KIF13A: variants seen among roughly 807,000 people sequenced by gnomAD.
The protein encoded by KIF13A is kinesin family member 13A.
Under a neutral mutation model 212.2 loss-of-function variants are expected in KIF13A, and 79 were observed. The observed-to-expected ratio is 0.37, with a 90% CI of 0.31 to 0.45. KIF13A has a LOEUF of 0.45. Among genes scored for constraint, KIF13A ranks in the 20% least tolerant of loss-of-function variants. The probability of loss-of-function intolerance (pLI) is 1.00; values close to 1 mark genes in which losing one functional copy is unlikely to be tolerated. For synonymous variants in KIF13A, 789 were observed against 808.6 expected (o/e 0.98, Z 0.41); for missense variants, 1,901 against 2,209.0 (o/e 0.86, Z 2.79).
intron 2 of KIF13A, among the ~76,000 whole-genome samples, chr6:17,969,125 G>A (rs1004665056): frequency 2.2e-4 from 34 of 152,282 alleles, no homozygotes; most frequent in Middle Eastern, 6.8e-3. Flanking sequence ...CAGCTGCTTC[G>A]AGAAAGGAAG....
intron 2 of KIF13A, among the ~76,000 whole-genome samples, chr6:17,976,057 T>C (rs1014270230): frequency 6.6e-6 from 1 of 152,182 alleles, no homozygotes; most frequent in Non-Finnish European, 1.5e-5. Flanking sequence ...TGCCGATTGG[T>C]GTATTTACAG....
At position 17,816,900 on chromosome 6, in the gene KIF13A, G is replaced by A. The variant is rs3734236; in HGVS notation, c.2000+120C>T. 0.23 allele frequency: 163,349 copies of A among 697,252 alleles called. 20,119 individuals are homozygous for A. Among genetic ancestry groups the A allele is most frequent in the Admixed American group, 0.32 (10,890 of 34,392 alleles). The allele number at this position is 697,252 out of a possible 1,614,324, so 43.2% of individuals were successfully genotyped here. A position where few individuals can be genotyped will look rare whatever the true frequency, so the allele number is the denominator to read the frequency against. ...AGGAAAAGCTAATTGGCAATATCACGTATGGGATTAAGAGTTCTCTTGTTG... is the reference window on the plus strand; with the variant it reads ...AGGAAAAGCTAATTGGCAATATCACATATGGGATTAAGAGTTCTCTTGTTG... On this transcript the variant is annotated intron_variant, in intron 17 of 38. Coordinates refer to ENST00000259711, the MANE Select transcript of KIF13A (RefSeq NM_022113.6). The surrounding 1 kb of genome is among the most constrained non-coding windows in gnomAD (Gnocchi z 4.3).
intron 38 of KIF13A, among the ~76,000 whole-genome samples, chr6:17,766,985 T>A (rs1759050815): frequency 6.6e-6 from 1 of 152,230 alleles, no homozygotes; most frequent in Non-Finnish European, 1.5e-5. Context: ...TGATCCTAAT[T>A]CTTTAGCTGT....
In KIF13A at chr6:17,899,555, G is replaced by A. The variant is rs886837247; in HGVS notation, c.147-1375C>T. ...TGTCCAATCACATGCATAATTCTACGCTTTCGAGTGCAGGGAAGAAAAATC... is the reference window on the plus strand; with the variant it reads ...TGTCCAATCACATGCATAATTCTACACTTTCGAGTGCAGGGAAGAAAAATC... On this transcript the variant is annotated intron_variant, in intron 2 of 38. Coordinates refer to ENST00000259711, the MANE Select transcript of KIF13A (RefSeq NM_022113.6). The surrounding 1 kb of genome is among the most constrained non-coding windows in gnomAD (Gnocchi z 5.2). Among the ~76,000 whole-genome samples the A allele has an allele frequency of 2.6e-5, 4 of 152,142 alleles. No homozygotes were observed. Among genetic ancestry groups the A allele is most frequent in the East Asian group, 1.9e-4 (1 of 5,190 alleles).
At position 17,932,882 on chromosome 6, in the gene KIF13A, T is replaced by G. The variant is rs374687488; in HGVS notation, c.147-34702A>C. On this transcript the variant is annotated intron_variant, in intron 2 of 38. Transcript: ENST00000259711. Reference sequence around the variant, plus strand: ...TAATTTGGCCAAATTATTTTTCCAGTTCTGGAATACATCCCTTTCCAAATC... The same window carrying G: ...TAATTTGGCCAAATTATTTTTCCAGGTCTGGAATACATCCCTTTCCAAATC... Among the ~76,000 whole-genome samples, 11 of 152,020 alleles carry G rather than the reference T, an allele frequency of 7.2e-5. No individual in the cohort carries two copies. The East Asian group carries it at 1.2e-3, about 16-fold the overall frequency.
At chr6:17,844,026 C>CA (rs779671692) in intron 9 of KIF13A, among the ~76,000 whole-genome samples, 6 of 141,204 alleles carry the variant, frequency 4.2e-5, no homozygotes, top group African/African-American at 1.6e-4. Flanking sequence ...GCCTGGGTGA[C>CA]AGAGTGAGAC....
In KIF13A at chr6:17,829,841, C is replaced by A. The variant is rs549293079; in HGVS notation, c.1401+1260G>T. On this transcript the variant is annotated intron_variant, in intron 13 of 38. Coordinates refer to ENST00000259711, the MANE Select transcript of KIF13A (RefSeq NM_022113.6). This position sits in a 1 kb window ranked among gnomAD's most constrained non-coding sequence, Gnocchi z 5.4. ...GAAAAGTAGAAGGTGAGGCTCCTTG[C>A]TTCAATTTTGGCTTATTCTCCATTG... Among the ~76,000 whole-genome samples, 5 of 152,206 alleles carry A rather than the reference C, an allele frequency of 3.3e-5. No homozygotes were observed. The South Asian group carries it at 1.0e-3, about 32-fold the overall frequency.
At chr6:17,885,102 T>C (rs1052155125) in intron 3 of KIF13A, among the ~76,000 whole-genome samples, 1 of 151,746 alleles carries the variant, frequency 6.6e-6, no homozygotes, top group African/African-American at 2.4e-5. Context: ...GATATCAAAG[T>C]TGTGAAGATT....
At chr6:17,760,706 G>A (rs1758544519), downstream of KIF13A, 3 of 689,984 alleles carry the variant, frequency 4.3e-6, no homozygotes, top group East Asian at 5.6e-5. Flanking sequence ...AAAGGAGGTG[G>A]CCCAGGAAGT....
chr6:17,774,344 T>A (rs1048271954), intron 35 of KIF13A, among the ~76,000 whole-genome samples: 1 of 152,192 alleles, frequency 6.6e-6, no homozygotes, highest in Admixed American at 6.5e-5. Flanking sequence ...ATAATTTTGA[T>A]TATGCTATGG....
At chr6:17,921,121 T>C (rs998053763) in intron 2 of KIF13A, among the ~76,000 whole-genome samples, 2 of 152,136 alleles carry the variant, frequency 1.3e-5, no homozygotes, top group Non-Finnish European at 2.9e-5. Context: ...CAAGACACAC[T>C]AATGTTAGTG....
rs746812079 is a variant in KIF13A at position 17,967,686 on chromosome 6, C to G, written c.146+19368G>C. On this transcript the variant is annotated intron_variant, in intron 2 of 38. Coordinates refer to ENST00000259711, the MANE Select transcript of KIF13A (RefSeq NM_022113.6). This position sits in a 1 kb window ranked among gnomAD's most constrained non-coding sequence, Gnocchi z 4.1. Reference sequence around the variant, plus strand: ...ATCTTTTACTCTCCAAAGGAAAGACCTGCAGTGTTAGGTTTCCTCCTGCTC... The same window carrying G: ...ATCTTTTACTCTCCAAAGGAAAGACGTGCAGTGTTAGGTTTCCTCCTGCTC... Among the ~76,000 whole-genome samples the G allele has an allele frequency of 1.4e-4, 21 of 152,282 alleles. No homozygotes were observed. The highest frequency in any genetic ancestry group is 3.9e-4 in the Admixed American group (6 of 15,296).
chr6:17,835,342 A>C (rs1412858603), intron 11 of KIF13A, among the ~76,000 whole-genome samples: 1 of 151,926 alleles, frequency 6.6e-6, no homozygotes, highest in Non-Finnish European at 1.5e-5. Flanking sequence ...TTATGTGGTC[A>C]CAGTAAAAAT....
At chr6:17,822,040 C>CTT in intron 16 of KIF13A, 3 of 615,948 alleles carry the variant, frequency 4.9e-6, no homozygotes, top group East Asian at 3.6e-5. Flanking sequence ...GGAAACATAA[C>CTT]TTCTTTTTTT....
chr6:17,954,862 A>G (rs144620107), intron 2 of KIF13A, among the ~76,000 whole-genome samples: 1 of 152,264 alleles, frequency 6.6e-6, no homozygotes, highest in East Asian at 1.9e-4. Flanking sequence ...AATTTTTTTA[A>G]GAGACGGGGT....
At chr6:17,766,596 T>G (rs1189707606) in intron 38 of KIF13A, among the ~76,000 whole-genome samples, 1 of 152,080 alleles carries the variant, frequency 6.6e-6, no homozygotes, top group African/African-American at 2.4e-5. Context: ...GCTCTGTCAC[T>G]CAGGTTGGTG....
At chr6:17,840,404 C>T (rs1766395577) in intron 9 of KIF13A, among the ~76,000 whole-genome samples, 1 of 151,874 alleles carries the variant, frequency 6.6e-6, no homozygotes, top group Non-Finnish European at 1.5e-5. Context: ...TCACATTTTG[C>T]AACTATTGAT....
Position 17,866,828 on chromosome 6 carries a change from C to CATATATAT in KIF13A, c.220+6541_220+6548dup, listed in dbSNP as rs60217235. The stretch of plus-strand genomic sequence containing the variant: ...TAAAGGGGAGAACAAAAAAGCAGCG[C>CATATATAT]ATATATATATATATATATATATATA... On this transcript the variant is annotated intron_variant, in intron 4 of 38. Transcript: ENST00000259711. 3.1e-3 allele frequency among the ~76,000 whole-genome samples: 72 copies of CATATATAT among 22,890 alleles called. 9 individuals carry two copies. The highest frequency in any genetic ancestry group is 6.6e-3 in the African/African-American group (38 of 5,760). The allele number at this position is 22,890 out of a possible 152,430, so 15.0% of individuals were successfully genotyped here. A position where few individuals can be genotyped will look rare whatever the true frequency, so the allele number is the denominator to read the frequency against.
At chr6:17,942,358 A>C (rs1419357820) in intron 2 of KIF13A, among the ~76,000 whole-genome samples, 1 of 140,694 alleles carries the variant, frequency 7.1e-6, no homozygotes, top group Non-Finnish European at 1.5e-5. Flanking sequence ...ATATATATAT[A>C]TTTCTGTTCA....
Sources: allele counts gnomAD v4.1 joint callset (sites outside exome capture counted in the v4.1 genomes callset), GRCh38; gene constraint gnomAD v4.1.1; non-coding constraint Gnocchi (gnomAD v3.1); transcripts MANE v1.5; gene names NCBI Gene and HGNC (gene_info 2026-07-23, HGNC 2026-07-21).